The following SEC14L5 variants were observed in gnomAD, a reference collection of about 807,000 sequenced individuals.
SEC14L5 encodes the protein SEC14 like lipid binding 5.
A neutral mutation model predicts 84.6 loss-of-function variants in SEC14L5; 96 were observed. That is an observed-to-expected ratio of 1.13 (90% CI 0.96 to 1.34). The LOEUF is 1.34. SEC14L5 is among the 40% of genes most tolerant of loss of function. The pLI, the probability that SEC14L5 is intolerant of heterozygous loss-of-function variation, is 0.00. For synonymous variants in SEC14L5, 546 were observed against 383.4 expected (o/e 1.42, Z -4.95); for missense variants, 1,224 against 942.5 (o/e 1.30, Z -3.91).
Position 5,017,596 on chromosome 16 carries a change from T to C in SEC14L5, c.*2626T>C, listed in dbSNP as rs1028261603. 3.3e-5 allele frequency: 5 copies of C among 152,268 alleles called. No homozygotes were observed. The highest frequency in any genetic ancestry group is 1.2e-4 in the African/African-American group (5 of 41,464). 9.4% of individuals were successfully genotyped at this position (152,268 alleles called of 1,614,324 possible). On this transcript the variant is annotated 3_prime_UTR_variant, in exon 16 of 16. Coordinates refer to ENST00000251170, the MANE Select transcript of SEC14L5 (RefSeq NM_014692.2). ...TGGCCCAGCTCGAGTCACATGCTTATTCCTGTGGGCCACACTGGCAAGGAA... is the reference window on the plus strand; with the variant it reads ...TGGCCCAGCTCGAGTCACATGCTTACTCCTGTGGGCCACACTGGCAAGGAA...
Position 5,011,121 on chromosome 16 carries a change from C to A in SEC14L5, c.1827C>A (p.Gly609=), listed in dbSNP as rs143088188. Residue 609 remains glycine, a synonymous_variant, in exon 15 of 16, where the codon GGC becomes GGA. Coordinates refer to ENST00000251170, the MANE Select transcript of SEC14L5 (RefSeq NM_014692.2). ...GCTCCCATGTGACCCGGTGGCCCGG[C>A]GTCTACCTGCTCCAGTGGCAAATGC... ...IQGSHVTRWP[G]VYLLQWQMHS... 4 of 1,607,898 alleles carry A rather than the reference C, an allele frequency of 2.5e-6. No individual in the cohort carries two copies. Among genetic ancestry groups the A allele is most frequent in the East Asian group, 4.5e-5 (2 of 44,534 alleles).
At chr16:4,998,003 CTTTTTTTT>C (rs35302716) in intron 8 of SEC14L5, among the ~76,000 whole-genome samples, 103 of 77,902 alleles carry the variant, frequency 1.3e-3, no homozygotes, top group African/African-American at 5.2e-3. Context: ...GACTCTAGTT[CTTTTTTTT>C]TTTTTTTTTT....
intron 1 of SEC14L5, 111 bp downstream of exon 1, chr16:4,958,556 G>A (rs1490066437): frequency 6.5e-6 from 1 of 152,780 alleles, no homozygotes; most frequent in Non-Finnish European, 1.5e-5. Context: ...GAGGGCGAGG[G>A]TGAGCAAAGC....
At chr16:4,988,115 A>G (rs1286970655) in intron 3 of SEC14L5, 34 bp from the exon 4 acceptor site, 2 of 1,442,452 alleles carry the variant, frequency 1.4e-6, no homozygotes, top group African/African-American at 1.4e-5. Flanking sequence ...CACGCCGCCC[A>G]CCCACCTCCG....
chr16:4,987,955 G>A (rs1001491788), intron 3 of SEC14L5, among the ~76,000 whole-genome samples, 194 bp from the exon 4 acceptor site: 6 of 152,130 alleles, frequency 3.9e-5, no homozygotes, highest in African/African-American at 1.4e-4. Context: ...GCCGGAGCTG[G>A]GTGGTGAAGA....
chr16:4,991,389 A>T (rs1955552130), intron 5 of SEC14L5, among the ~76,000 whole-genome samples: 1 of 151,916 alleles, frequency 6.6e-6, no homozygotes, highest in Non-Finnish European at 1.5e-5. Flanking sequence ...AGTGGACTCC[A>T]TCTCTAAAAA....
intron 4 of SEC14L5, 28 bp downstream of exon 4, chr16:4,988,308 C>A (rs765742688): frequency 2.5e-6 from 4 of 1,609,734 alleles, no homozygotes; most frequent in Non-Finnish European, 1.7e-6. Flanking sequence ...TCAGCGCCCA[C>A]GCCCGGCACC....
chr16:4,992,106 C>T, intron 6 of SEC14L5, 76 bp downstream of exon 6: 1 of 1,074,490 alleles, frequency 9.3e-7, no homozygotes, highest in Non-Finnish European at 1.3e-6. Flanking sequence ...GGCCCTGGGG[C>T]ATGTTGGGGA....
intron 11 of SEC14L5, 39 bp downstream of exon 11, chr16:5,003,612 T>TGGGGGGG: frequency 7.7e-6 from 1 of 130,376 alleles, no homozygotes; most frequent in Non-Finnish European, 1.5e-5. Flanking sequence ...TCCCTGGGGG[T>TGGGGGGG]GGGTGGGATG....
Position 4,997,014 on chromosome 16 carries a change from T to C in SEC14L5, c.940T>C (p.Tyr314His), listed in dbSNP as rs1255196948. Reference sequence around the variant, plus strand: ...ACCCCCTGCCCTGCTGGAGGAGTTCTATGCAGGGGGCTGGCATTACCAGGA... The same window carrying C: ...ACCCCCTGCCCTGCTGGAGGAGTTCCATGCAGGGGGCTGGCATTACCAGGA... ...WQPPALLEEF[Y>H]AGGWHYQDID... The change falls in exon 8 of 16, where the codon TAT becomes CAT. Residue 314 changes from tyrosine (Y) to histidine (H), a missense_variant. Tyr to His is a moderately conservative substitution (Grantham distance 83). Coordinates refer to ENST00000251170, the MANE Select transcript of SEC14L5 (RefSeq NM_014692.2). The C allele has an allele frequency of 1.2e-6, 2 of 1,612,596 alleles. No individual in the cohort carries two copies. The highest frequency in any genetic ancestry group is 1.3e-5 in the African/African-American group (1 of 74,914).
At chr16:4,980,414 G>A (rs577571326) in intron 2 of SEC14L5, among the ~76,000 whole-genome samples, 3 of 152,232 alleles carry the variant, frequency 2.0e-5, no homozygotes, top group Middle Eastern at 3.4e-3. Context: ...TTATCTGGGG[G>A]CTCCAGACCG....
At chr16:4,963,440 G>T (rs569252815) in intron 2 of SEC14L5, among the ~76,000 whole-genome samples, 5 of 152,184 alleles carry the variant, frequency 3.3e-5, no homozygotes, top group African/African-American at 1.2e-4. Context: ...CCGCCTTCTG[G>T]GTTCAAGTGA....
intron 6 of SEC14L5, among the ~76,000 whole-genome samples, chr16:4,992,808 T>G (rs572015244): frequency 6.6e-6 from 1 of 152,354 alleles, no homozygotes; most frequent in Non-Finnish European, 1.5e-5. Context: ...GTCCTGAAGC[T>G]GTTTAGGTGC....
chr16:5,007,327 G>C lies in SEC14L5; in HGVS notation c.1438-25G>C, dbSNP rs768900443. On this transcript the variant is annotated intron_variant, in intron 12 of 15. Transcript: ENST00000251170. ...GCCAGGCCTCAACTGGCCCTGACCTGCTGCCCTTTATCTCTGACCTGCAGT... is the reference window on the plus strand; with the variant it reads ...GCCAGGCCTCAACTGGCCCTGACCTCCTGCCCTTTATCTCTGACCTGCAGT... 4 of 1,611,010 alleles carry C rather than the reference G, an allele frequency of 2.5e-6. No homozygotes were observed. The African/African-American group carries it at 5.3e-5, about 22-fold the overall frequency.
intron 8 of SEC14L5, among the ~76,000 whole-genome samples, chr16:5,000,323 G>C (rs1955661049): frequency 6.6e-6 from 1 of 152,150 alleles, no homozygotes; most frequent in East Asian, 1.9e-4. Context: ...GTTTTGTAGA[G>C]AAGAGGTCTC....
In SEC14L5 at chr16:5,005,872, A is replaced by C. The variant is rs79399358; in HGVS notation, c.1303-42A>C. 357 of 1,499,290 alleles carry C rather than the reference A, an allele frequency of 2.4e-4. No homozygotes were observed. The African/African-American group carries it at 4.7e-3, about 20-fold the overall frequency. 92.9% of individuals were successfully genotyped at this position (1,499,290 alleles called of 1,614,324 possible). ...GAGCAAGACTCCGTCTCAAAAAAAA[A>C]AAAAAAAAAACCATCCATCTTGCCT... On this transcript the variant is annotated intron_variant, in intron 11 of 15. Transcript: ENST00000251170.
chr16:4,987,012 G>A (rs547135977), intron 2 of SEC14L5, among the ~76,000 whole-genome samples: 1 of 152,156 alleles, frequency 6.6e-6, no homozygotes, highest in Admixed American at 6.5e-5. Flanking sequence ...TTTCCAACTG[G>A]ATGGCTTTTA....
At position 5,018,131 on chromosome 16, in the gene SEC14L5, C is replaced by T. The variant is rs1955895166; in HGVS notation, c.*3161C>T. On this transcript the variant is annotated 3_prime_UTR_variant, in exon 16 of 16. Coordinates refer to ENST00000251170, the MANE Select transcript of SEC14L5 (RefSeq NM_014692.2). ...GTAAAGTGAGGATAGCAGTGCCTAC[C>T]TCAATAGGTTGTAGTGGGACGAAAT... is the stretch of plus-strand genomic sequence containing the variant. 6.6e-6 allele frequency: 1 copy of T among 152,288 alleles called. No homozygotes were observed. The highest frequency in any genetic ancestry group is 2.1e-4 in the South Asian group (1 of 4,832). 9.4% of individuals were successfully genotyped at this position (152,288 alleles called of 1,614,324 possible).
At chr16:5,006,977 C>T (rs557090414) in intron 12 of SEC14L5, among the ~76,000 whole-genome samples, 55 of 152,192 alleles carry the variant, frequency 3.6e-4, no homozygotes, top group African/African-American at 9.6e-4. Flanking sequence ...CGGGGAGAGG[C>T]AGCTGCTATG....
Sources: gnomAD v4.1 joint callset for allele counts (sites outside exome capture counted in the v4.1 genomes callset) on GRCh38, gnomAD v4.1.1 for gene constraint, MANE v1.5 for transcripts, NCBI Gene and HGNC (gene_info 2026-07-23, HGNC 2026-07-21) for gene names.